Variants in TMEM260 observed in about 807,000 individuals in gnomAD.
The protein encoded by TMEM260 is transmembrane protein 260, also known as protein O-mannosyl-transferase TMEM260.
In TMEM260, 82 loss-of-function variants were observed where a neutral mutation model predicts 88.9. The observed-to-expected ratio is 0.92, with a 90% confidence interval of 0.77 to 1.11. The LOEUF is 1.11. Among genes scored for constraint, TMEM260 ranks in the 50% least tolerant of loss-of-function variants. TMEM260 has a pLI of 0.00. For synonymous variants in TMEM260, 314 were observed against 309.3 expected, an observed-to-expected ratio of 1.02 and a Z score of -0.16; for missense variants, 902 against 853.4, an observed-to-expected ratio of 1.06 and a Z score of -0.71.
the TMEM260 span, among the ~76,000 whole-genome samples, chr14:56,663,000 T>G: frequency 6.6e-6 from 1 of 152,102 alleles, no homozygotes; most frequent in South Asian, 2.1e-4. Flanking sequence ...TGGTGGCACA[T>G]GCCTGTAATC....
At chr14:56,652,100 AG>A (rs1890217277), downstream of TMEM260, among the ~76,000 whole-genome samples, 1 of 152,204 alleles carries the variant, frequency 6.6e-6, no homozygotes, top group Non-Finnish European at 1.5e-5. Flanking sequence ...TAAAACTGAA[AG>A]GGGAACACTG....
At position 56,625,433 on chromosome 14, in the gene TMEM260, G is replaced by T; in HGVS notation, c.1450G>T (p.Val484Phe). The T allele has an allele frequency of 6.2e-7, 1 of 1,613,932 alleles. No homozygotes were observed. The highest frequency in any genetic ancestry group is 1.3e-5 in the African/African-American group (1 of 75,042). Residue 484 changes from valine (V) to phenylalanine (F), a missense_variant, in exon 12 of 16, where the codon GTC becomes TTC. Coordinates refer to ENST00000261556, the MANE Select transcript of TMEM260 (RefSeq NM_017799.4). ...CAAGATGGCAAAGCACTTGCCAGGT[G>T]TCAACTTTCCTGGGAACCGGTGGAA... is the stretch of plus-strand genomic sequence containing the variant. ...LPKMAKHLPGVNFPGNRWNPV... is the reference protein window; with the variant it reads ...LPKMAKHLPGFNFPGNRWNPV...
intron 4 of TMEM260, among the ~76,000 whole-genome samples, chr14:56,604,965 C>T (rs1239781917): frequency 2.6e-5 from 4 of 152,174 alleles, no homozygotes; most frequent in Non-Finnish European, 4.4e-5. Flanking sequence ...AGAACTTGAT[C>T]AGATATTGAG....
chr14:56,618,632 C>A lies in TMEM260; in HGVS notation c.1095C>A (p.Ala365=). 6.2e-7 allele frequency: 1 copy of A among 1,614,124 alleles called. No individual in the cohort carries two copies. Among genetic ancestry groups the A allele is most frequent in the South Asian group, 1.1e-5 (1 of 91,068 alleles). Reference sequence around the variant, plus strand: ...GGATGCAGAGCAATGCAGTAGTGGCCGTCCTCGCTGGCATTGGTTTGGCTG... The same window carrying A: ...GGATGCAGAGCAATGCAGTAGTGGCAGTCCTCGCTGGCATTGGTTTGGCTG... ...RFWMQSNAVV[A]VLAGIGLAAV... Residue 365 remains alanine, a synonymous_variant, in exon 10 of 16, where the codon GCC becomes GCA. Transcript: ENST00000261556.
At chr14:56,584,033 T>TGTGTGTGTGTG in intron 1 of TMEM260, among the ~76,000 whole-genome samples, 2 of 150,982 alleles carry the variant, frequency 1.3e-5, no homozygotes, top group African/African-American at 4.9e-5. Flanking sequence ...TGTGTATGTG[T>TGTGTGTGTGTG]TTAGGGGCAT....
intron 11 of TMEM260, among the ~76,000 whole-genome samples, chr14:56,623,832 C>G (rs977510187): frequency 6.6e-6 from 1 of 152,100 alleles, no homozygotes; most frequent in Admixed American, 6.5e-5. Context: ...TGGGTAATGT[C>G]TTACATAAGA....
Position 56,597,198 on chromosome 14 carries a change from G to A in TMEM260, c.345-6617G>A, listed in dbSNP as rs185845711. Among the ~76,000 whole-genome samples the A allele has an allele frequency of 2.3e-3, 348 of 152,256 alleles. 1 individual carries two copies. The highest frequency in any genetic ancestry group is 8.2e-3 in the African/African-American group (340 of 41,542). ...TTAAACATCCCTAATCAAAAAATCCGAAATCTAGAATGTTCCAAAATCTGA... is the reference window on the plus strand; with the variant it reads ...TTAAACATCCCTAATCAAAAAATCCAAAATCTAGAATGTTCCAAAATCTGA... On this transcript the variant is annotated intron_variant, in intron 3 of 15. Coordinates refer to ENST00000261556, the MANE Select transcript of TMEM260 (RefSeq NM_017799.4).
intron 5 of TMEM260, among the ~76,000 whole-genome samples, chr14:56,608,811 A>G (rs1887070887): frequency 6.6e-6 from 1 of 152,214 alleles, no homozygotes; most frequent in Non-Finnish European, 1.5e-5. Flanking sequence ...GCTGCTTGTC[A>G]TGACATGGTT....
chr14:56,629,914 A>ACCTGTGGT (rs934274642), intron 12 of TMEM260, among the ~76,000 whole-genome samples: 10 of 152,214 alleles, frequency 6.6e-5, no homozygotes, highest in African/African-American at 2.4e-4. Context: ...GGTGGTACAC[A>ACCTGTGGT]CCTGTGGTCC....
chr14:56,597,514 G>A (rs1348942870), intron 3 of TMEM260, among the ~76,000 whole-genome samples: 1 of 152,286 alleles, frequency 6.6e-6, no homozygotes. Flanking sequence ...GATGTGTTAC[G>A]TTAAAAGACC....
Position 56,617,293 on chromosome 14 carries a change from G to T in TMEM260, c.1052G>T (p.Gly351Val), listed in dbSNP as rs752534641. Residue 351 changes from glycine (G) to valine (V), a missense_variant, in exon 9 of 16, where the codon GGT (glycine) becomes GTT (valine). Gly to Val is a moderately radical substitution (Grantham distance 109). Coordinates refer to ENST00000261556, the MANE Select transcript of TMEM260 (RefSeq NM_017799.4). ...NLDISKPLFM[G>V]VVERFWMQSN... ...GATATTTCAAAACCACTTTTCATGG[G>T]TGTGGTAAGTTTTACTTAGATATAT... 1.9e-6 allele frequency: 3 copies of T among 1,582,180 alleles called. No individual in the cohort carries two copies. In the Admixed American group the frequency reaches 5.5e-5, roughly 29 times the overall value.
At chr14:56,610,464 G>A (rs1490081341) in intron 6 of TMEM260, among the ~76,000 whole-genome samples, 2 of 152,006 alleles carry the variant, frequency 1.3e-5, no homozygotes, top group African/African-American at 4.8e-5. Context: ...GGATGGTCTC[G>A]ATCTCCTGAC....
intron 3 of TMEM260, among the ~76,000 whole-genome samples, chr14:56,603,301 AATC>A (rs1381350988): frequency 1.3e-5 from 2 of 152,212 alleles, no homozygotes; most frequent in African/African-American, 4.8e-5. Flanking sequence ...AAGATATTGA[AATC>A]ATCAGATATT....
chr14:56,617,639 A>G (rs1261244382), intron 9 of TMEM260, among the ~76,000 whole-genome samples: 1 of 152,206 alleles, frequency 6.6e-6, no homozygotes, highest in Non-Finnish European at 1.5e-5. Context: ...GGCACTTAAC[A>G]ACATATTTCC....
At chr14:56,641,373 A>G (rs951969986) in intron 15 of TMEM260, among the ~76,000 whole-genome samples, 1 of 152,218 alleles carries the variant, frequency 6.6e-6, no homozygotes, top group Non-Finnish European at 1.5e-5. Flanking sequence ...GTATTCTTCA[A>G]GAAAAGAATT....
chr14:56,608,036 T>G (rs1015346427), intron 5 of TMEM260, among the ~76,000 whole-genome samples: 1 of 152,234 alleles, frequency 6.6e-6, no homozygotes, highest in African/African-American at 2.4e-5. Context: ...AGCAAAGGCA[T>G]GTTGTTAGAT....
rs558093885 is a variant in TMEM260 at position 56,631,815 on chromosome 14, A to G, written c.1548-1180A>G. 2.0e-4 allele frequency among the ~76,000 whole-genome samples: 30 copies of G among 152,206 alleles called. No individual in the cohort carries two copies. In the South Asian group the frequency reaches 6.0e-3, roughly 31 times the overall value. On this transcript the variant is annotated intron_variant, in intron 12 of 15. Transcript: ENST00000261556. ...TCTTTTCGGGAAGCTGCTGATCACC[A>G]GTTTCAGGTGTTTCTATCTATCTGT...
downstream of TMEM260, among the ~76,000 whole-genome samples, chr14:56,651,116 T>C (rs948653334): frequency 6.6e-6 from 1 of 152,154 alleles, no homozygotes; most frequent in African/African-American, 2.4e-5. Context: ...AAGGCCAAGA[T>C]CTTGGCACAG....
chr14:56,641,678 A>G (rs1158025157), intron 15 of TMEM260, among the ~76,000 whole-genome samples: 3 of 152,218 alleles, frequency 2.0e-5, no homozygotes, highest in African/African-American at 7.2e-5. Context: ...CTAACCTTAA[A>G]TGTAAATGGG....
Sources: gnomAD v4.1 joint callset for allele counts (sites outside exome capture counted in the v4.1 genomes callset) on GRCh38, gnomAD v4.1.1 for gene constraint, MANE v1.5 for transcripts, NCBI Gene and HGNC (gene_info 2026-07-23, HGNC 2026-07-21) for gene names.